The following DMD variants were observed in gnomAD, a reference collection of about 807,000 sequenced individuals.
The protein encoded by DMD is mutant dystrophin.
Under a neutral mutation model 330.1 loss-of-function variants are expected in DMD, and 63 were observed. The observed-to-expected ratio is 0.19, with a 90% CI of 0.16 to 0.24. The LOEUF is 0.24. Among genes scored for constraint, DMD ranks in the 10% least tolerant of loss-of-function variants. DMD has a pLI of 1.00. For missense variants in DMD, 3,344 were observed against 2,684.1 expected (o/e 1.25, Z -5.43); for synonymous variants, 1,223 against 959.8 (o/e 1.27, Z -5.07).
At chrX:32,546,014 T>C (rs774660243) in intron 16 of DMD, among the ~76,000 whole-genome samples, 2 of 108,402 alleles carry the variant, frequency 1.8e-5, no homozygotes, top group Admixed American at 2.0e-4. Flanking sequence ...CCCATATTCA[T>C]CACTGGAGAC....
intron 15 of DMD, among the ~76,000 whole-genome samples, chrX:32,568,505 T>C (rs2052016382): frequency 1.3e-5 from 1 of 77,776 alleles, no homozygotes; most frequent in African/African-American, 6.9e-5. Context: ...AGACTCCATC[T>C]CAAGAAAAAA....
chrX:32,662,973 CT>C (rs2061046400), intron 9 of DMD, among the ~76,000 whole-genome samples: 1 of 111,859 alleles, frequency 8.9e-6, no homozygotes, highest in Non-Finnish European at 1.9e-5. Flanking sequence ...CCTCAAAGTC[CT>C]TTGTTTTTAG....
At chrX:33,300,076 T>C (rs1447937258) in intron 1 of DMD, among the ~76,000 whole-genome samples, 1 of 112,274 alleles carries the variant, frequency 8.9e-6, no homozygotes, top group Non-Finnish European at 1.9e-5. Context: ...AAGACAACTG[T>C]TTTACATGCT....
intron 7 of DMD, among the ~76,000 whole-genome samples, chrX:32,711,360 A>T (rs183361474): frequency 1.2e-4 from 13 of 110,521 alleles, no homozygotes; most frequent in African/African-American, 3.9e-4. Flanking sequence ...TATCTCAATT[A>T]CTATATCCTA....
chrX:31,180,312 A>T (rs950279840), intron 69 of DMD, 58 bp downstream of exon 69: 1 of 831,587 alleles, frequency 1.2e-6, no homozygotes, highest in Non-Finnish European at 1.8e-6. Flanking sequence ...AGTATTGTAC[A>T]AAACTGAAAT....
At chrX:31,807,539 G>A (rs2092328508) in intron 50 of DMD, among the ~76,000 whole-genome samples, 1 of 109,806 alleles carries the variant, frequency 9.1e-6, no homozygotes, top group African/African-American at 3.3e-5. Flanking sequence ...CTATTCTAGA[G>A]GAGCCAAAAA....
chrX:31,712,769 A>G (rs1286275714), intron 52 of DMD, among the ~76,000 whole-genome samples: 1 of 111,391 alleles, frequency 9.0e-6, no homozygotes, highest in Non-Finnish European at 1.9e-5. Context: ...CTCCCTTTAA[A>G]TCTGTTCAAG....
At chrX:31,611,714 C>T (rs1666620658) in intron 55 of DMD, among the ~76,000 whole-genome samples, 1 of 110,934 alleles carries the variant, frequency 9.0e-6, no homozygotes, top group South Asian at 3.8e-4. Context: ...GCATGAGCTC[C>T]CACACCCAGT....
intron 52 of DMD, among the ~76,000 whole-genome samples, chrX:31,706,862 CTG>C (rs1182200537): frequency 8.9e-6 from 1 of 112,146 alleles, no homozygotes; most frequent in African/African-American, 3.2e-5. Context: ...TTCTTTCAAT[CTG>C]AATACAGTTT....
At chrX:31,387,671 A>G (rs2060508450) in intron 60 of DMD, among the ~76,000 whole-genome samples, 1 of 111,864 alleles carries the variant, frequency 8.9e-6, no homozygotes, top group African/African-American at 3.3e-5. Context: ...AAGTGCTGGG[A>G]TTACAGGTGT....
intron 2 of DMD, among the ~76,000 whole-genome samples, chrX:32,975,350 T>C (rs2092515370): frequency 1.1e-5 from 1 of 91,376 alleles, no homozygotes; most frequent in Non-Finnish European, 2.1e-5. Context: ...AAAATGCTTT[T>C]TTTTTTTTTT....
chrX:32,880,812 C>T (rs953048577), intron 2 of DMD, among the ~76,000 whole-genome samples: 14 of 112,025 alleles, frequency 1.2e-4, no homozygotes, highest in Middle Eastern at 4.7e-3. Flanking sequence ...GGTGTGGTGA[C>T]GCATGCCTGT....
At chrX:32,708,323 C>G (rs2064874440) in intron 7 of DMD, among the ~76,000 whole-genome samples, 1 of 107,345 alleles carries the variant, frequency 9.3e-6, no homozygotes, top group African/African-American at 3.5e-5. Flanking sequence ...AAAAATGGAC[C>G]CACTACATAT....
chrX:32,855,976 A>G (rs1326160245), intron 2 of DMD, among the ~76,000 whole-genome samples: 1 of 112,094 alleles, frequency 8.9e-6, no homozygotes, highest in African/African-American at 3.2e-5. Context: ...AAAAATATAT[A>G]TAATCATCTG....
At position 32,110,674 on chromosome X, in the gene DMD, TA is replaced by T. The variant is rs781180200; in HGVS notation, c.6438+106241del. Among the ~76,000 whole-genome samples, 3 of 110,820 alleles carry T rather than the reference TA, an allele frequency of 2.7e-5. No individual in the cohort carries two copies. The East Asian group carries it at 8.6e-4, about 32-fold the overall frequency. On this transcript the variant is annotated intron_variant, in intron 44 of 78. Transcript: ENST00000357033. ...TTCAGTTCCACATGGCTAGCTACAC[TA>T]GGGGGAAAAAAAAAGCATAATGCTG...
At chrX:32,919,173 G>A (rs1360042567) in intron 2 of DMD, among the ~76,000 whole-genome samples, 2 of 112,055 alleles carry the variant, frequency 1.8e-5, no homozygotes, top group Non-Finnish European at 3.8e-5. Context: ...AGACCCTTTA[G>A]ATGACTAAGT....
chrX:32,474,476 T>C (rs1219516328), intron 21 of DMD, among the ~76,000 whole-genome samples: 2 of 111,879 alleles, frequency 1.8e-5, no homozygotes, highest in Non-Finnish European at 3.8e-5. Flanking sequence ...TAAATCCCCA[T>C]CAGCAGTGTA....
At chrX:32,510,743 G>T (rs1246858567) in intron 18 of DMD, among the ~76,000 whole-genome samples, 1 of 111,600 alleles carries the variant, frequency 9.0e-6, no homozygotes, top group Non-Finnish European at 1.9e-5. Flanking sequence ...ATGGGGACAG[G>T]TGCTGCAAGC....
At position 32,648,937 on chromosome X, in the gene DMD, T is replaced by TA. The variant is rs1048889393; in HGVS notation, c.961-3786dup. On this transcript the variant is annotated intron_variant, in intron 9 of 78. Transcript: ENST00000357033. The stretch of plus-strand genomic sequence containing the variant: ...TTTATAGATCTATTTATAAGAAAGA[T>TA]AGACCCCAATCGTTTCATGAATGAA... 8.6e-4 allele frequency among the ~76,000 whole-genome samples: 96 copies of TA among 111,378 alleles called. 1 individual carries two copies. The highest frequency in any genetic ancestry group is 3.0e-3 in the African/African-American group (91 of 30,650).
Sources: allele counts gnomAD v4.1 joint callset (sites outside exome capture counted in the v4.1 genomes callset), GRCh38; gene constraint gnomAD v4.1.1; transcripts MANE v1.5; gene names NCBI Gene and HGNC (gene_info 2026-07-23, HGNC 2026-07-21).